The following INSL6 variants were observed in gnomAD, a reference collection of about 807,000 sequenced individuals.
INSL6 encodes insulin-like peptide INSL6.
In INSL6, 16 loss-of-function variants were observed where a neutral mutation model predicts 9.4. The ratio of observed to expected loss-of-function variants is 1.70; its 90% CI spans 1.15 to 2.59. The LOEUF (loss-of-function observed/expected upper bound fraction) is 2.59. Ranked by LOEUF, INSL6 falls within the 30% of genes most tolerant of loss-of-function variation. INSL6 has a pLI of 0.00. For synonymous variants in INSL6, 154 were observed against 96.9 expected, an observed-to-expected ratio of 1.59 and a Z score of -3.46; for missense variants, 391 against 257.3, an observed-to-expected ratio of 1.52 and a Z score of -3.56.
the INSL6 span, chr9:5,055,820 C>A: frequency 6.4e-7 from 1 of 1,571,816 alleles, no homozygotes. Flanking sequence ...ATAATGGTTT[C>A]ATTTTATAGT....
intron 2 of INSL6, among the ~76,000 whole-genome samples, chr9:5,154,579 C>A (rs1258111920): frequency 6.6e-6 from 1 of 152,130 alleles, no homozygotes; most frequent in Non-Finnish European, 1.5e-5. Context: ...ACTCATCTGA[C>A]AAAGGGCTAA....
the INSL6 span, among the ~76,000 whole-genome samples, chr9:5,033,105 GC>G: frequency 6.6e-6 from 1 of 152,216 alleles, no homozygotes; most frequent in African/African-American, 2.4e-5. Context: ...GAATGCACAA[GC>G]CTCAGTAGCC....
the INSL6 span, among the ~76,000 whole-genome samples, chr9:4,995,116 A>C: frequency 1.3e-5 from 2 of 152,206 alleles, no homozygotes; most frequent in African/African-American, 4.8e-5. Context: ...ATTGTTGCCA[A>C]CTTGAGACGT....
the INSL6 span, among the ~76,000 whole-genome samples, chr9:5,034,040 A>T: frequency 6.6e-6 from 1 of 152,220 alleles, no homozygotes; most frequent in African/African-American, 2.4e-5. Flanking sequence ...AAAGGGATGG[A>T]GGAACATCTA....
chr9:5,013,029 C>G, the INSL6 span, among the ~76,000 whole-genome samples: 2 of 152,144 alleles, frequency 1.3e-5, no homozygotes, highest in African/African-American at 4.8e-5. Context: ...GGAAGTAAAA[C>G]TATCAGTACA....
At chr9:5,183,776 A>G (rs1417792936) in intron 1 of INSL6, among the ~76,000 whole-genome samples, 2 of 147,932 alleles carry the variant, frequency 1.4e-5, no homozygotes, top group African/African-American at 5.2e-5. Context: ...GTTTAAAAGA[A>G]AAAAAAAAGA....
At chr9:5,112,576 G>A in the INSL6 span, 1 of 678,698 alleles carries the variant, frequency 1.5e-6, no homozygotes, top group Non-Finnish European at 2.5e-6. Flanking sequence ...GCGGCTGCGG[G>A]TCCCTTAAGA....
At chr9:5,034,400 A>T in the INSL6 span, among the ~76,000 whole-genome samples, 1 of 152,218 alleles carries the variant, frequency 6.6e-6, no homozygotes, top group South Asian at 2.1e-4. Context: ...CCTAATAGAC[A>T]TCTACAGAAC....
chr9:5,132,453 A>T (rs1824309748), intron 3 of INSL6, among the ~76,000 whole-genome samples: 1 of 152,162 alleles, frequency 6.6e-6, no homozygotes. Context: ...TGCCAAAAAT[A>T]CCTTGGTTCT....
At chr9:5,154,637 A>C (rs982399588) in intron 2 of INSL6, among the ~76,000 whole-genome samples, 2 of 152,208 alleles carry the variant, frequency 1.3e-5, no homozygotes, top group African/African-American at 4.8e-5. Context: ...GAAAAAAAGC[A>C]AAGAACCCCA....
chr9:5,037,172 A>T, the INSL6 span, among the ~76,000 whole-genome samples: 15 of 152,312 alleles, frequency 9.8e-5, no homozygotes, highest in Admixed American at 8.5e-4. Context: ...ATCTCACACC[A>T]GTTAGAATGG....
At chr9:5,099,030 C>G in the INSL6 span, 3 of 152,258 alleles carry the variant, frequency 2.0e-5, no homozygotes, top group African/African-American at 4.8e-5. Context: ...CAACACCAGA[C>G]TTAAAACCAG....
the INSL6 span, among the ~76,000 whole-genome samples, chr9:5,044,775 C>T: frequency 6.6e-6 from 1 of 152,074 alleles, no homozygotes; most frequent in Admixed American, 6.5e-5. Context: ...GACTTTAGAT[C>T]ATTTTAAGGA....
At chr9:5,081,963 T>C in the INSL6 span, 1 of 969,036 alleles carries the variant, frequency 1.0e-6, no homozygotes, top group Non-Finnish European at 1.6e-6. Context: ...TAAGGAGTGC[T>C]TGTAGAAAAA....
At chr9:5,089,660 G>A in the INSL6 span, 1 of 1,284,180 alleles carries the variant, frequency 7.8e-7, no homozygotes. Flanking sequence ...ATCCTAATGT[G>A]ATGTGTCATT....
At chr9:5,137,696 A>C (rs1422941522) in intron 2 of INSL6, among the ~76,000 whole-genome samples, 2 of 152,258 alleles carry the variant, frequency 1.3e-5, no homozygotes, top group Non-Finnish European at 2.9e-5. Flanking sequence ...TTCATGACTA[A>C]AACACCAAAA....
chr9:5,006,168 A>G, the INSL6 span, among the ~76,000 whole-genome samples: 2 of 151,884 alleles, frequency 1.3e-5, no homozygotes, highest in Non-Finnish European at 2.9e-5. Flanking sequence ...CTTTTATTTC[A>G]TTGAGCAGTG....
Position 5,185,544 on chromosome 9 carries a change from G to A in INSL6, c.59C>T (p.Ser20Phe), listed in dbSNP as rs1327336666. Residue 20 changes from serine to phenylalanine, a missense_variant, in exon 1 of 2, where the codon TCT becomes TTT. Coordinates refer to ENST00000381641, the MANE Select transcript of INSL6 (RefSeq NM_007179.3). ...LWLGLLLVRF[S>F]RELSDISSAR... is the part of the protein sequence containing the mutation. ...ACTGCTGATGTCGCTCAGTTCACGA[G>A]AAAACCGAACCAGCAGGAGTCCAAG... 5.0e-6 allele frequency: 8 copies of A among 1,613,954 alleles called. No individual in the cohort carries two copies. The African/African-American group carries it at 9.3e-5, about 19-fold the overall frequency.
chr9:5,011,461 A>AT, the INSL6 span, among the ~76,000 whole-genome samples: 196 of 152,324 alleles, frequency 1.3e-3, no homozygotes, highest in African/African-American at 4.5e-3. Context: ...AAATGTTGGG[A>AT]TTAAAGGCAT....
Sources: gnomAD v4.1 joint callset for allele counts (sites outside exome capture counted in the v4.1 genomes callset) on GRCh38, gnomAD v4.1.1 for gene constraint, MANE v1.5 for transcripts, NCBI Gene and HGNC (gene_info 2026-07-23, HGNC 2026-07-21) for gene names.